The following MAG variants were observed in gnomAD, a reference collection of about 807,000 sequenced individuals.
MAG encodes myelin associated glycoprotein.
In MAG, 30 loss-of-function variants were observed where a neutral mutation model predicts 60.7. That is an observed-to-expected ratio of 0.49 (90% CI 0.37 to 0.67). The LOEUF (loss-of-function observed/expected upper bound fraction) is 0.67. Ranked by LOEUF, MAG falls within the 30% of genes least tolerant of loss-of-function variation. The pLI, the probability that MAG is intolerant of heterozygous loss-of-function variation, is 0.00. For synonymous variants in MAG, 384 were observed against 376.8 expected (o/e 1.02, Z -0.22); for missense variants, 795 against 851.7 (o/e 0.93, Z 0.83).
At chr19:35,303,742 C>T in intron 7 of MAG, among the ~76,000 whole-genome samples, 1 of 152,112 alleles carries the variant, frequency 6.6e-6, no homozygotes, top group East Asian at 1.9e-4. Context: ...CTCACCATTG[C>T]ACCGCTGGCC....
rs2066431814 is a variant in MAG, at chr19:35,299,695, T to G, written c.557T>G (p.Leu186Arg). ...GAGGGGCTGGGGGAGCCCGCTGTGC[T>G]GGGCCGGCTGCGGGAGGACGAGGGC... The part of the protein sequence containing the change: ...GHEGLGEPAV[L>R]GRLREDEGTW... Residue 186 changes from leucine to arginine, a missense_variant, in exon 5 of 11, where the codon CTG (leucine) becomes CGG (arginine). Coordinates refer to ENST00000392213, the MANE Select transcript of MAG (RefSeq NM_002361.4). 1 of 1,591,502 alleles carries G rather than the reference T, an allele frequency of 6.3e-7. No individual in the cohort carries two copies. The highest frequency in any genetic ancestry group is 1.4e-5 in the African/African-American group (1 of 73,954).
At chr19:35,310,254 G>A in intron 8 of MAG, 93 bp downstream of exon 8, 1 of 1,415,290 alleles carries the variant, frequency 7.1e-7, no homozygotes, top group Non-Finnish European at 9.5e-7. Context: ...CACAGAGCAT[G>A]GGCTATGCAG....
intron 7 of MAG, 117 bp from the exon 8 acceptor site, chr19:35,309,757 C>CA: frequency 9.2e-7 from 1 of 1,090,540 alleles, no homozygotes; most frequent in Middle Eastern, 3.1e-4. Flanking sequence ...GAGGGCCCTA[C>CA]AGGAAGCTAC....
Position 35,294,392 on chromosome 19 carries a change from C to G in MAG, c.-24+102C>G. 1.5e-5 allele frequency: 6 copies of G among 401,212 alleles called. 1 individual carries two copies. Among genetic ancestry groups the G allele is most frequent in the South Asian group, 1.1e-4 (6 of 55,198 alleles). The allele number at this position is 401,212 out of a possible 1,614,324, so 24.9% of individuals were successfully genotyped here. ...ACTTTCTGGAGATCTCCAGGGGCAT[C>G]ACGGTGACAAAGATAATGATCAGCA... On this transcript the variant is annotated intron_variant, in intron 2 of 10. Coordinates refer to ENST00000392213, the MANE Select transcript of MAG (RefSeq NM_002361.4).
chr19:35,302,771 T>C (rs1599653193), intron 7 of MAG, 63 bp downstream of exon 7: 1 of 1,581,140 alleles, frequency 6.3e-7, no homozygotes, highest in East Asian at 2.2e-5. Context: ...CCAGGGTTAC[T>C]GTGGGTGCCC....
rs978485635 is a variant in MAG at position 35,299,849 on chromosome 19, G to C, written c.711G>C (p.Lys237Asn). 3.0e-5 allele frequency: 44 copies of C among 1,442,962 alleles called. No individual in the cohort carries two copies. The highest frequency in any genetic ancestry group is 3.7e-5 in the Non-Finnish European group (41 of 1,094,708). The allele number at this position is 1,442,962 out of a possible 1,614,324, so 89.4% of individuals were successfully genotyped here. ...AGGGCTACGCCAGCATGGACGTCAA[G>C]TGTGAGCCTGGGTGCGGGCGGGGCG... ...QFEGYASMDVKYPPVIVEMNS... is the reference protein window; with the variant it reads ...QFEGYASMDVNYPPVIVEMNS... The change falls in exon 5 of 11, where the codon AAG (lysine) becomes AAC (asparagine). Residue 237 changes from lysine to asparagine, a missense_variant and splice_region_variant. Transcript: ENST00000392213.
At chr19:35,305,933 T>A (rs944022885) in intron 7 of MAG, among the ~76,000 whole-genome samples, 1 of 151,002 alleles carries the variant, frequency 6.6e-6, no homozygotes, top group Non-Finnish European at 1.5e-5. Context: ...CCAGCCTGGA[T>A]GACAGAGCAA....
At chr19:35,306,786 C>G (rs1448357758) in intron 7 of MAG, among the ~76,000 whole-genome samples, 1 of 152,306 alleles carries the variant, frequency 6.6e-6, no homozygotes, top group Non-Finnish European at 1.5e-5. Flanking sequence ...TTCGGAGTCC[C>G]GTAGCCCCTT....
rs368383840 is a variant in MAG at position 35,299,759 on chromosome 19, G to C, written c.621G>C (p.Thr207=). 1 of 1,553,914 alleles carries C rather than the reference G, an allele frequency of 6.4e-7. No homozygotes were observed. The highest frequency in any genetic ancestry group is 1.4e-5 in the African/African-American group (1 of 73,192). ...VQVSLLHFVP[T]REANGHRLGC... ...TGTCACTGCTGCACTTCGTGCCCAC[G>C]AGGGAGGCCAACGGCCACAGGCTGG... is the stretch of plus-strand genomic sequence containing the variant. The change falls in exon 5 of 11, where the codon ACG becomes ACC. Residue 207 remains threonine, a synonymous_variant. Coordinates refer to ENST00000392213, the MANE Select transcript of MAG (RefSeq NM_002361.4).
At chr19:35,299,875 G>C in intron 5 of MAG, 25 bp downstream of exon 5, 1 of 956,418 alleles carries the variant, frequency 1.0e-6, no homozygotes, top group Non-Finnish European at 1.4e-6. Context: ...GGGCGGGGCG[G>C]GGTGGGGCGG....
intron 7 of MAG, among the ~76,000 whole-genome samples, chr19:35,304,736 C>T (rs947104913): frequency 2.6e-4 from 40 of 152,050 alleles, no homozygotes; most frequent in Non-Finnish European, 8.8e-5. Flanking sequence ...GACGGGGTTT[C>T]TCCATGTTGC....
intron 2 of MAG, among the ~76,000 whole-genome samples, chr19:35,294,758 T>C (rs1426744027): frequency 6.6e-6 from 1 of 151,798 alleles, no homozygotes; most frequent in African/African-American, 2.4e-5. Context: ...CTCCCATCTC[T>C]AAAAAAAATA....
rs533956580 is a variant in MAG, at chr19:35,293,191, G to A, written c.-80+987G>A. Among the ~76,000 whole-genome samples, 58 of 152,198 alleles carry A rather than the reference G, an allele frequency of 3.8e-4. No homozygotes were observed. The highest frequency in any genetic ancestry group is 1.3e-3 in the African/African-American group (54 of 41,508). On this transcript the variant is annotated intron_variant, in intron 1 of 10. Transcript: ENST00000392213. The surrounding 1 kb of genome is among the most constrained non-coding windows in gnomAD (Gnocchi z 4.0). ...GCGTCGGCCAGGTGTCCATCGGCGC[G>A]TGTCTGAGTGGACGCGTCTATAGCC...
chr19:35,297,640 CACACACACT>C lies in MAG; in HGVS notation c.415+1677_415+1685del, dbSNP rs1341654517. Among the ~76,000 whole-genome samples, 385 of 146,160 alleles carry C rather than the reference CACACACACT, an allele frequency of 2.6e-3. 1 individual carries two copies. The highest frequency in any genetic ancestry group is 3.9e-3 in the Non-Finnish European group (257 of 66,162). On this transcript the variant is annotated intron_variant, in intron 4 of 10. Coordinates refer to ENST00000392213, the MANE Select transcript of MAG (RefSeq NM_002361.4). Reference sequence around the variant, plus strand: ...CACACTGCACACACTACCCACACACCACACACACTACACACACTACACACACCACACACA... The same window carrying C: ...CACACTGCACACACTACCCACACACCACACACACTACACACACCACACACA...
At chr19:35,304,799 C>T (rs1438791799) in intron 7 of MAG, among the ~76,000 whole-genome samples, 4 of 152,192 alleles carry the variant, frequency 2.6e-5, no homozygotes, top group Non-Finnish European at 4.4e-5. Flanking sequence ...CTCGGCCTCC[C>T]AAAGTGCTGG....
intron 6 of MAG, among the ~76,000 whole-genome samples, chr19:35,301,937 C>T (rs916242805): frequency 2.0e-5 from 3 of 152,164 alleles, no homozygotes; most frequent in Non-Finnish European, 2.9e-5. Context: ...CTCCTAGGCT[C>T]GCTGAAGCCT....
At chr19:35,305,630 C>T (rs1197187903) in intron 7 of MAG, among the ~76,000 whole-genome samples, 1 of 152,180 alleles carries the variant, frequency 6.6e-6, no homozygotes, top group Middle Eastern at 3.2e-3. Context: ...GGGTTCATAA[C>T]AGTATCTTAC....
At chr19:35,309,794 T>A in intron 7 of MAG, 80 bp from the exon 8 acceptor site, 1 of 1,505,560 alleles carries the variant, frequency 6.6e-7, no homozygotes, top group East Asian at 2.3e-5. Flanking sequence ...CACACTGGCC[T>A]TGCCTTGAGC....
chr19:35,294,200 C>G (rs770558738), intron 1 of MAG, 35 bp from the exon 2 acceptor site: 1 of 406,410 alleles, frequency 2.5e-6, no homozygotes, highest in African/African-American at 2.1e-5. Context: ...CTCAATCCCG[C>G]CCCCTTGCAC....
Sources: gnomAD v4.1 joint callset for allele counts (sites outside exome capture counted in the v4.1 genomes callset) on GRCh38, gnomAD v4.1.1 for gene constraint, Gnocchi (gnomAD v3.1) non-coding constraint, MANE v1.5 for transcripts, NCBI Gene and HGNC (gene_info 2026-07-23, HGNC 2026-07-21) for gene names.